The following CTNNA3 variants were observed in gnomAD, a reference collection of about 807,000 sequenced individuals.
CTNNA3 encodes the protein catenin alpha 3.
A neutral mutation model predicts 95.7 loss-of-function variants in CTNNA3; 76 were observed. That is an observed-to-expected ratio of 0.79 (90% confidence interval 0.66 to 0.96). The LOEUF is 0.96. Among genes scored for constraint, CTNNA3 ranks in the 40% least tolerant of loss-of-function variants. The probability of loss-of-function intolerance (pLI) is 0.00; values close to 1 mark genes in which losing one functional copy is unlikely to be tolerated. For missense variants in CTNNA3, 1,191 were observed against 1,089.8 expected (o/e 1.09, Z -1.31); for synonymous variants, 431 against 374.4 (o/e 1.15, Z -1.74).
intron 11 of CTNNA3, among the ~76,000 whole-genome samples, chr10:66,515,345 C>CTCTCTCTATA (rs558913767): frequency 4.7e-5 from 7 of 148,894 alleles, no homozygotes; most frequent in African/African-American, 9.9e-5. Flanking sequence ...CTCTCTCTCT[C>CTCTCTCTATA]TATATATATA....
chr10:67,434,756 G>T (rs1000578081), intron 5 of CTNNA3, among the ~76,000 whole-genome samples: 1 of 151,914 alleles, frequency 6.6e-6, no homozygotes, highest in African/African-American at 2.4e-5. Context: ...CACCTGATTC[G>T]CTTCTTCATT....
At chr10:66,294,913 A>AGG (rs1164187818) in intron 12 of CTNNA3, among the ~76,000 whole-genome samples, 1 of 148,740 alleles carries the variant, frequency 6.7e-6, no homozygotes, top group African/African-American at 2.5e-5. Context: ...AGAGAGAGAG[A>AGG]GGGATTTGGT....
intron 7 of CTNNA3, among the ~76,000 whole-genome samples, chr10:67,158,500 A>T (rs1429317537): frequency 6.6e-6 from 1 of 152,320 alleles, no homozygotes; most frequent in East Asian, 1.9e-4. Context: ...CAGCTGAAAG[A>T]GAGGTCTATA....
chr10:67,521,732 C>T, intron 5 of CTNNA3, 110 bp downstream of exon 5: 2 of 1,367,838 alleles, frequency 1.5e-6, no homozygotes, highest in Non-Finnish European at 2.0e-6. Context: ...TGTATCTGCT[C>T]TAACCATTAG....
At chr10:67,395,260 T>A (rs1844669714) in intron 5 of CTNNA3, among the ~76,000 whole-genome samples, 1 of 152,126 alleles carries the variant, frequency 6.6e-6, no homozygotes, top group Non-Finnish European at 1.5e-5. Flanking sequence ...AGATGGGACA[T>A]CACTTTAGAC....
rs536066790 is a variant in CTNNA3, at chr10:66,953,769, GATGAT to G, written c.1048-178250_1048-178246del. Among the ~76,000 whole-genome samples, 368 of 152,156 alleles carry G rather than the reference GATGAT, an allele frequency of 2.4e-3. 3 individuals are homozygous for G. The highest frequency in any genetic ancestry group is 3.7e-4 in the Non-Finnish European group (25 of 68,010). On this transcript the variant is annotated intron_variant, in intron 7 of 17. Transcript: ENST00000433211. Reference sequence around the variant, plus strand: ...ACACTGTCCTCCTAAGATAATATTAGATGATATAAGTTTTATTTTTTTAAAAATTA... The same window carrying G: ...ACACTGTCCTCCTAAGATAATATTAGATAAGTTTTATTTTTTTAAAAATTA...
rs189427575 is a variant in CTNNA3, at chr10:66,990,996, T to C, written c.1047+189321A>G. ...TCATGATGGCATGTATTGAACATTTTGGTGAAACAAATATCTGCTAATGAT... is the reference window on the plus strand; with the variant it reads ...TCATGATGGCATGTATTGAACATTTCGGTGAAACAAATATCTGCTAATGAT... On this transcript the variant is annotated intron_variant, in intron 7 of 17. Transcript: ENST00000433211. 9.5e-4 allele frequency among the ~76,000 whole-genome samples: 144 copies of C among 152,278 alleles called. 1 individual carries two copies. The highest frequency in any genetic ancestry group is 3.2e-3 in the African/African-American group (134 of 41,564).
At chr10:67,508,525 G>T (rs1276116786) in intron 5 of CTNNA3, among the ~76,000 whole-genome samples, 1 of 152,142 alleles carries the variant, frequency 6.6e-6, no homozygotes, top group African/African-American at 2.4e-5. Flanking sequence ...GATTAAAGCT[G>T]TAAACATAAG....
intron 14 of CTNNA3, among the ~76,000 whole-genome samples, chr10:66,094,527 G>A (rs1032008480): frequency 3.3e-5 from 5 of 152,004 alleles, no homozygotes; most frequent in African/African-American, 9.7e-5. Context: ...GAGAGGTGCC[G>A]GTGCCTAAAC....
chr10:66,318,631 C>T (rs1162759137), intron 12 of CTNNA3, among the ~76,000 whole-genome samples: 1 of 152,032 alleles, frequency 6.6e-6, no homozygotes, highest in Non-Finnish European at 1.5e-5. Flanking sequence ...TAGGTCATCC[C>T]TATTCTCCAA....
chr10:67,697,883 A>G (rs148293152), upstream of CTNNA3, among the ~76,000 whole-genome samples: 327 of 152,256 alleles, frequency 2.1e-3, 2 homozygotes, highest in African/African-American at 7.4e-3. Context: ...CACAGGCCCC[A>G]TGGTCCTCTG....
chr10:66,688,292 C>T (rs1847376096), intron 9 of CTNNA3, among the ~76,000 whole-genome samples: 1 of 152,092 alleles, frequency 6.6e-6, no homozygotes, highest in African/African-American at 2.4e-5. Context: ...GAATAAAATC[C>T]AAATGTTTCC....
intron 7 of CTNNA3, among the ~76,000 whole-genome samples, chr10:67,047,344 A>T (rs763730736): frequency 2.6e-5 from 4 of 152,162 alleles, no homozygotes; most frequent in Non-Finnish European, 4.4e-5. Flanking sequence ...TGCCCCTAGG[A>T]GGAGACTGTG....
At chr10:66,087,243 A>G (rs2081018940) in intron 14 of CTNNA3, among the ~76,000 whole-genome samples, 1 of 151,956 alleles carries the variant, frequency 6.6e-6, no homozygotes, top group Non-Finnish European at 1.5e-5. Context: ...CTCACCCCAA[A>G]CCCAGAAACA....
chr10:67,237,090 A>T (rs1865498302), intron 5 of CTNNA3, among the ~76,000 whole-genome samples: 1 of 140,528 alleles, frequency 7.1e-6, no homozygotes, highest in African/African-American at 2.5e-5. Context: ...CCAAATGCCC[A>T]TCAATCAATG....
At chr10:67,209,044 TTTGTTGTTG>T (rs149802447) in intron 6 of CTNNA3, among the ~76,000 whole-genome samples, 2 of 151,432 alleles carry the variant, frequency 1.3e-5, no homozygotes, top group South Asian at 2.1e-4. Flanking sequence ...ATTGTTATTT[TTTGTTGTTG>T]TTGTTGTTGT....
intron 12 of CTNNA3, among the ~76,000 whole-genome samples, chr10:66,374,638 G>T (rs1269772937): frequency 4.8e-4 from 54 of 113,674 alleles, no homozygotes; most frequent in African/African-American, 1.5e-3. Flanking sequence ...TTTTTGAGAC[G>T]GAGTCTCGCT....
intron 1 of CTNNA3, among the ~76,000 whole-genome samples, chr10:67,728,027 A>G (rs1841251410): frequency 7.1e-6 from 1 of 141,162 alleles, no homozygotes. Context: ...CATATATTAT[A>G]TATGATATAT....
At chr10:66,113,326 C>A (rs1480894253) in intron 13 of CTNNA3, among the ~76,000 whole-genome samples, 1 of 152,004 alleles carries the variant, frequency 6.6e-6, no homozygotes, top group Non-Finnish European at 1.5e-5. Flanking sequence ...CTAAGTTATT[C>A]TTTTTTCTTT....
Sources: gnomAD v4.1 joint callset for allele counts (sites outside exome capture counted in the v4.1 genomes callset) on GRCh38, gnomAD v4.1.1 for gene constraint, MANE v1.5 for transcripts, NCBI Gene and HGNC (gene_info 2026-07-23, HGNC 2026-07-21) for gene names.